The following TUSC3 variants were observed in gnomAD, a reference collection of about 807,000 sequenced individuals.
TUSC3 encodes tumor suppressor candidate 3, also known as dolichyl-diphosphooligosaccharide--protein glycosyltransferase subunit TUSC3.
In TUSC3, 45 loss-of-function variants were observed where a neutral mutation model predicts 44.8. The observed-to-expected ratio is 1.00, with a 90% CI of 0.79 to 1.29. TUSC3 has a LOEUF of 1.29. Among genes scored for constraint, TUSC3 ranks in the 50% most tolerant of loss-of-function variants. The pLI is 0.00. For missense variants in TUSC3, 519 were observed against 437.9 expected (o/e 1.19, Z -1.65); for synonymous variants, 212 against 152.9 (o/e 1.39, Z -2.85).
chr8:15,651,011 ACACAC>A (rs1806878986), intron 3 of TUSC3, 197 bp downstream of exon 3: 2 of 565,410 alleles, frequency 3.5e-6, no homozygotes, highest in Non-Finnish European at 6.4e-6. Context: ...ACACACACAC[ACACAC>A]ACACACAAAT....
chr8:15,425,316 T>C (rs958294328), intron 1 of TUSC3, among the ~76,000 whole-genome samples: 1 of 152,222 alleles, frequency 6.6e-6, no homozygotes, highest in Non-Finnish European at 1.5e-5. Context: ...AGTTGTGTGA[T>C]TCTTTTTCGC....
the TUSC3 span, among the ~76,000 whole-genome samples, chr8:15,788,776 CA>C: frequency 1.3e-5 from 2 of 152,064 alleles, no homozygotes; most frequent in African/African-American, 2.4e-5. Flanking sequence ...GGCTTAATGG[CA>C]CTGAGAGATG....
intron 6 of TUSC3, among the ~76,000 whole-genome samples, chr8:15,682,850 G>T (rs1808481069): frequency 6.7e-6 from 1 of 150,102 alleles, no homozygotes; most frequent in African/African-American, 2.4e-5. Flanking sequence ...CCAGTCTTGT[G>T]GTAATGAATT....
At chr8:15,528,159 C>G (rs1371496244) in intron 2 of TUSC3, among the ~76,000 whole-genome samples, 1 of 151,846 alleles carries the variant, frequency 6.6e-6, no homozygotes, top group African/African-American at 2.4e-5. Context: ...AATTTTGGTA[C>G]TATAAAAAAT....
chr8:15,477,455 G>A (rs950766930), intron 1 of TUSC3, among the ~76,000 whole-genome samples: 13 of 152,122 alleles, frequency 8.5e-5, no homozygotes, highest in Non-Finnish European at 1.3e-4. Context: ...ATTATAGTGT[G>A]CTCACGCCTG....
chr8:15,615,562 G>T (rs1443885319), intron 1 of TUSC3, among the ~76,000 whole-genome samples: 1 of 152,120 alleles, frequency 6.6e-6, no homozygotes, highest in Non-Finnish European at 1.5e-5. Context: ...GCAGTGTAGG[G>T]TGAATATAGT....
At chr8:15,553,165 A>G (rs1279172108) in intron 1 of TUSC3, among the ~76,000 whole-genome samples, 1 of 151,778 alleles carries the variant, frequency 6.6e-6, no homozygotes, top group Non-Finnish European at 1.5e-5. Flanking sequence ...CTAAACTGAG[A>G]TGTTTGAGAA....
chr8:15,713,376 A>G (rs1809934485), intron 6 of TUSC3, among the ~76,000 whole-genome samples: 1 of 152,318 alleles, frequency 6.6e-6, no homozygotes, highest in East Asian at 1.9e-4. Flanking sequence ...AAATCTAAGC[A>G]TAGTGTTACT....
the TUSC3 span, among the ~76,000 whole-genome samples, chr8:15,841,483 T>A: frequency 1.1e-4 from 17 of 152,138 alleles, no homozygotes; most frequent in Non-Finnish European, 4.4e-5. Flanking sequence ...CTAATTATAA[T>A]GCAAAGAATT....
intron 1 of TUSC3, among the ~76,000 whole-genome samples, chr8:15,601,864 G>A (rs1020049930): frequency 6.6e-5 from 10 of 151,426 alleles, no homozygotes; most frequent in African/African-American, 1.9e-4. Context: ...TATTTGTATC[G>A]TGTGTACATA....
chr8:15,425,949 A>C (rs1799798337), intron 1 of TUSC3, among the ~76,000 whole-genome samples: 1 of 152,222 alleles, frequency 6.6e-6, no homozygotes, highest in South Asian at 2.1e-4. Flanking sequence ...CCAGGAGTTC[A>C]AGGCTGCAGT....
rs35915071 is a variant in TUSC3, at chr8:15,693,441, CTTTTTTTTTTTT to C, written c.798+19618_798+19629del. Among the ~76,000 whole-genome samples, 151 of 96,904 alleles carry C rather than the reference CTTTTTTTTTTTT, an allele frequency of 1.6e-3. 2 individuals carry two copies. Among genetic ancestry groups the C allele is most frequent in the African/African-American group, 5.6e-3 (141 of 25,370 alleles). 63.6% of individuals were successfully genotyped at this position (96,904 alleles called of 152,430 possible). On this transcript the variant is annotated intron_variant, in intron 6 of 10. Coordinates refer to ENST00000503731, the MANE Select transcript of TUSC3 (RefSeq NM_006765.4). ...GATATAAAACTCTTGGTTGGAAGTT[CTTTTTTTTTTTT>C]TTTTTTTTTTTTAAAGAATGCTGAA...
chr8:15,540,753 C>T (rs1404462294), intron 1 of TUSC3, among the ~76,000 whole-genome samples, 185 bp downstream of exon 1: 1 of 152,114 alleles, frequency 6.6e-6, no homozygotes, highest in Non-Finnish European at 1.5e-5. Context: ...TAGCAGGGTT[C>T]TGACTTGAAA....
At chr8:15,680,461 T>C (rs1263605734) in intron 6 of TUSC3, among the ~76,000 whole-genome samples, 2 of 152,158 alleles carry the variant, frequency 1.3e-5, no homozygotes, top group African/African-American at 2.4e-5. Context: ...CCTGAAACTT[T>C]ACTGAAATCG....
At chr8:15,768,800 G>A (rs1352806212), downstream of TUSC3, among the ~76,000 whole-genome samples, 2 of 151,974 alleles carry the variant, frequency 1.3e-5, no homozygotes, top group Non-Finnish European at 2.9e-5. Flanking sequence ...CCCAATAACA[G>A]CCAAATCATG....
intron 1 of TUSC3, among the ~76,000 whole-genome samples, chr8:15,582,117 C>A (rs539952417): frequency 6.6e-6 from 1 of 150,736 alleles, no homozygotes; most frequent in East Asian, 2.0e-4. Flanking sequence ...AAGGGAACTC[C>A]CTGACCCCTT....
intron 2 of TUSC3, among the ~76,000 whole-genome samples, chr8:15,493,767 A>G (rs1165496411): frequency 6.6e-6 from 1 of 152,184 alleles, no homozygotes; most frequent in African/African-American, 2.4e-5. Flanking sequence ...AGCCCCCAAA[A>G]TAAAACTTAC....
intron 1 of TUSC3, among the ~76,000 whole-genome samples, chr8:15,457,067 A>G (rs1475283047): frequency 2.0e-5 from 3 of 151,766 alleles, no homozygotes; most frequent in African/African-American, 4.8e-5. Flanking sequence ...TATCGCAAGG[A>G]TAAAAAACCA....
intron 2 of TUSC3, among the ~76,000 whole-genome samples, chr8:15,646,267 T>A (rs553704230): frequency 6.6e-6 from 1 of 152,262 alleles, no homozygotes; most frequent in African/African-American, 2.4e-5. Context: ...AGTATGTTCG[T>A]GAAACACAGA....
Sources: gnomAD v4.1 joint callset for allele counts (sites outside exome capture counted in the v4.1 genomes callset) on GRCh38, gnomAD v4.1.1 for gene constraint, MANE v1.5 for transcripts, NCBI Gene and HGNC (gene_info 2026-07-23, HGNC 2026-07-21) for gene names.